RBMS3: variants seen among roughly 807,000 people sequenced by gnomAD.
RBMS3 encodes the protein RNA binding motif single stranded interacting protein 3, also known as RNA-binding motif, single-stranded-interacting protein 3.
Under a neutral mutation model 66.8 loss-of-function variants are expected in RBMS3, and 27 were observed. The observed-to-expected ratio is 0.40, with a 90% confidence interval of 0.30 to 0.56. RBMS3 has a LOEUF of 0.56. Among genes scored for constraint, RBMS3 ranks in the 20% least tolerant of loss-of-function variants. The pLI, the probability that RBMS3 is intolerant of heterozygous loss-of-function variation, is 0.40. For missense variants in RBMS3, 513 were observed against 549.5 expected, an observed-to-expected ratio of 0.93 and a Z score of 0.66; for synonymous variants, 188 against 183.0, an observed-to-expected ratio of 1.03 and a Z score of -0.22.
At chr3:29,541,038 A>G (rs1447570222) in intron 3 of RBMS3, among the ~76,000 whole-genome samples, 1 of 152,192 alleles carries the variant, frequency 6.6e-6, no homozygotes, top group Non-Finnish European at 1.5e-5. Flanking sequence ...AGAAAACTAC[A>G]TAGCCCATTG....
intron 10 of RBMS3, among the ~76,000 whole-genome samples, chr3:29,916,765 T>G (rs941085909): frequency 2.0e-5 from 3 of 151,988 alleles, no homozygotes; most frequent in Admixed American, 2.0e-4. Context: ...TATTTGAAAA[T>G]TAAAGATTCC....
At chr3:29,417,904 A>ATGTAAACAT (rs2040543790) in intron 1 of RBMS3, among the ~76,000 whole-genome samples, 1 of 152,188 alleles carries the variant, frequency 6.6e-6, no homozygotes, top group Admixed American at 6.5e-5. Flanking sequence ...GGTAAAACAA[A>ATGTAAACAT]TGTAAACATT....
chr3:29,730,170 A>G (rs1197471905), intron 4 of RBMS3, among the ~76,000 whole-genome samples: 1 of 152,094 alleles, frequency 6.6e-6, no homozygotes, highest in Non-Finnish European at 1.5e-5. Context: ...TAAAAATAGT[A>G]TTTGTTGTTT....
At chr3:29,573,451 G>A (rs779730642) in intron 3 of RBMS3, among the ~76,000 whole-genome samples, 3 of 151,936 alleles carry the variant, frequency 2.0e-5, no homozygotes, top group Non-Finnish European at 2.9e-5. Context: ...CTTTATTTAG[G>A]TTGTCTTCCT....
At chr3:29,365,327 T>C (rs528834995) in intron 1 of RBMS3, among the ~76,000 whole-genome samples, 126 of 152,024 alleles carry the variant, frequency 8.3e-4, no homozygotes, top group African/African-American at 3.0e-3. Context: ...GATATATATA[T>C]ATATTCTTTA....
intron 2 of RBMS3, among the ~76,000 whole-genome samples, chr3:29,459,140 C>T (rs560138189): frequency 6.6e-6 from 1 of 152,158 alleles, no homozygotes; most frequent in African/African-American, 2.4e-5. Flanking sequence ...GTTATTACCA[C>T]CCTATTATGT....
At chr3:29,995,911 A>G (rs1001161247) in intron 14 of RBMS3, among the ~76,000 whole-genome samples, 8 of 152,046 alleles carry the variant, frequency 5.3e-5, no homozygotes, top group African/African-American at 1.7e-4. Flanking sequence ...AAATTCACAC[A>G]TAACAATATT....
chr3:29,333,329 C>T (rs187026546), intron 1 of RBMS3, among the ~76,000 whole-genome samples: 83 of 152,210 alleles, frequency 5.5e-4, no homozygotes, highest in African/African-American at 2.0e-3. Context: ...CCAGTGCCCT[C>T]TCAAGGGTTT....
intron 6 of RBMS3, among the ~76,000 whole-genome samples, chr3:29,859,052 T>C (rs148015878): frequency 6.6e-6 from 1 of 152,224 alleles, no homozygotes; most frequent in African/African-American, 2.4e-5. Flanking sequence ...ATTAGGCATG[T>C]GCATGAAAAT....
At chr3:29,385,280 G>C (rs1012343023) in intron 1 of RBMS3, among the ~76,000 whole-genome samples, 1 of 151,998 alleles carries the variant, frequency 6.6e-6, no homozygotes, top group Non-Finnish European at 1.5e-5. Flanking sequence ...TCCTATTACC[G>C]CAGGACTCCC....
intron 1 of RBMS3, among the ~76,000 whole-genome samples, chr3:29,367,125 A>G (rs114805340): frequency 0.03 from 4,593 of 152,182 alleles, 262 homozygotes; most frequent in African/African-American, 0.11. Flanking sequence ...TTATGGAGAG[A>G]ATTGAATGTG....
intron 1 of RBMS3, among the ~76,000 whole-genome samples, chr3:29,378,551 T>C (rs1575659689): frequency 6.6e-6 from 1 of 150,400 alleles, no homozygotes; most frequent in Non-Finnish European, 1.5e-5. Context: ...AATGAGATAA[T>C]GTTGATGAAG....
chr3:29,408,577 G>A (rs540453537), intron 1 of RBMS3, among the ~76,000 whole-genome samples: 1 of 152,192 alleles, frequency 6.6e-6, no homozygotes, highest in Admixed American at 6.5e-5. Context: ...TGTACTTTTA[G>A]GGGGGTTATA....
intron 4 of RBMS3, among the ~76,000 whole-genome samples, chr3:29,635,370 G>A (rs2049437888): frequency 6.6e-6 from 1 of 151,810 alleles, no homozygotes; most frequent in African/African-American, 2.4e-5. Flanking sequence ...CCTTCTAGTG[G>A]CTTTGGAGAG....
chr3:29,378,397 C>G (rs1283325141), intron 1 of RBMS3, among the ~76,000 whole-genome samples: 1 of 151,454 alleles, frequency 6.6e-6, no homozygotes, highest in Admixed American at 6.6e-5. Flanking sequence ...GCATGAAACC[C>G]GGAGGCGGAG....
intron 12 of RBMS3, among the ~76,000 whole-genome samples, chr3:29,969,285 G>C (rs549516210): frequency 6.6e-6 from 1 of 151,996 alleles, no homozygotes; most frequent in Non-Finnish European, 1.5e-5. Context: ...AACTGATTTC[G>C]TCTCTTGCTT....
At chr3:29,703,730 G>C (rs1011397290) in intron 4 of RBMS3, among the ~76,000 whole-genome samples, 1 of 152,146 alleles carries the variant, frequency 6.6e-6, no homozygotes, top group Admixed American at 6.5e-5. Flanking sequence ...TTCTTATTGT[G>C]AAAGACCTGT....
intron 3 of RBMS3, among the ~76,000 whole-genome samples, chr3:29,542,553 G>T (rs1486053813): frequency 1.3e-5 from 2 of 152,104 alleles, no homozygotes; most frequent in African/African-American, 4.8e-5. Flanking sequence ...TAGGGACGGG[G>T]TTTCACCATG....
At chr3:29,937,927 T>C (rs1262191185) in intron 11 of RBMS3, among the ~76,000 whole-genome samples, 1 of 151,952 alleles carries the variant, frequency 6.6e-6, no homozygotes, top group Non-Finnish European at 1.5e-5. Context: ...TCAGTGATCA[T>C]AAATTCTGAA....
Sources: allele counts gnomAD v4.1 joint callset (sites outside exome capture counted in the v4.1 genomes callset), GRCh38; gene constraint gnomAD v4.1.1; transcripts MANE v1.5; gene names NCBI Gene and HGNC (gene_info 2026-07-23, HGNC 2026-07-21).